MEGF10: variants seen among roughly 807,000 people sequenced by gnomAD.
MEGF10 encodes multiple epidermal growth factor-like domains protein 10.
MEGF10 carries 86 observed loss-of-function variants against 147.5 expected under a neutral mutation model. The observed-to-expected ratio is 0.58, with a 90% CI of 0.49 to 0.70. MEGF10 has a LOEUF of 0.70. Among genes scored for constraint, MEGF10 ranks in the 30% least tolerant of loss-of-function variants. MEGF10 has a pLI of 0.00. For synonymous variants in MEGF10, 478 were observed against 525.5 expected (o/e 0.91, Z 1.24); for missense variants, 1,329 against 1,487.3 (o/e 0.89, Z 1.75).
At chr5:127,244,623 A>AC in the MEGF10 span, among the ~76,000 whole-genome samples, 3 of 151,980 alleles carry the variant, frequency 2.0e-5, no homozygotes, top group Admixed American at 1.3e-4. Flanking sequence ...AAAAAATGTC[A>AC]CCCCCCACCC....
At chr5:127,319,563 A>C (rs907106567) in intron 1 of MEGF10, among the ~76,000 whole-genome samples, 1 of 152,220 alleles carries the variant, frequency 6.6e-6, no homozygotes, top group South Asian at 2.1e-4. Flanking sequence ...AGGAGATGTC[A>C]GTTTACCTTC....
chr5:127,344,230 A>T (rs1761788287), intron 4 of MEGF10, among the ~76,000 whole-genome samples: 1 of 152,178 alleles, frequency 6.6e-6, no homozygotes, highest in Admixed American at 6.5e-5. Flanking sequence ...TCTGCCATCA[A>T]AGAGTTTTGC....
In MEGF10 at chr5:127,461,216, T is replaced by TA. The variant is rs1297929894; in HGVS notation, c.*3904dup. 1 of 152,190 alleles carries TA rather than the reference T, an allele frequency of 6.6e-6. No individual in the cohort carries two copies. 9.4% of individuals were successfully genotyped at this position (152,190 alleles called of 1,614,324 possible). A position where few individuals can be genotyped will look rare whatever the true frequency, so the allele number is the denominator to read the frequency against. ...TAGATTAATGCAATAAACTTTCTAA[T>TA]AAAAAACTCTAGTGTTTCTTTCTAT... On this transcript the variant is annotated 3_prime_UTR_variant, in exon 25 of 25. Transcript: ENST00000503335.
chr5:127,380,674 C>T (rs549337563), intron 5 of MEGF10, among the ~76,000 whole-genome samples: 1 of 152,068 alleles, frequency 6.6e-6, no homozygotes, highest in East Asian at 1.9e-4. Flanking sequence ...CCTGTCACCA[C>T]GTCCAGCTAA....
At chr5:127,379,485 T>C (rs1763169743) in intron 5 of MEGF10, among the ~76,000 whole-genome samples, 1 of 152,174 alleles carries the variant, frequency 6.6e-6, no homozygotes, top group Non-Finnish European at 1.5e-5. Context: ...CACTGCTCAG[T>C]CTCTGCCCTT....
At chr5:127,425,988 C>T (rs546079570) in intron 13 of MEGF10, among the ~76,000 whole-genome samples, 1 of 152,294 alleles carries the variant, frequency 6.6e-6, no homozygotes, top group Middle Eastern at 3.4e-3. Context: ...AGGGCTCTTC[C>T]CCTGATCAAA....
intron 4 of MEGF10, among the ~76,000 whole-genome samples, chr5:127,345,193 G>GA (rs1344257927): frequency 2.6e-5 from 4 of 152,180 alleles, no homozygotes; most frequent in Admixed American, 1.3e-4. Flanking sequence ...GATTCTTGGA[G>GA]AAAAAACTCT....
chr5:127,309,986 T>TTTCTTTCC, intron 1 of MEGF10, among the ~76,000 whole-genome samples: 1 of 72,880 alleles, frequency 1.4e-5, no homozygotes, highest in Admixed American at 1.3e-4. Flanking sequence ...TCTTTCTTTC[T>TTTCTTTCC]TTCTTTCTTT....
At chr5:127,303,335 CAAAAA>C (rs1174955274) in intron 1 of MEGF10, among the ~76,000 whole-genome samples, 1 of 50,628 alleles carries the variant, frequency 2.0e-5, no homozygotes, top group Non-Finnish European at 4.7e-5. Flanking sequence ...GACTCCATGT[CAAAAA>C]AAAAAAAAAA....
At chr5:127,331,092 T>G (rs906328740) in intron 1 of MEGF10, among the ~76,000 whole-genome samples, 199 bp from the exon 2 acceptor site, 1 of 152,170 alleles carries the variant, frequency 6.6e-6, no homozygotes, top group African/African-American at 2.4e-5. Context: ...ATTTACAAAA[T>G]AGTAGCCACC....
chr5:127,381,228 G>A (rs1017243305), intron 5 of MEGF10, among the ~76,000 whole-genome samples: 2 of 152,124 alleles, frequency 1.3e-5, no homozygotes, highest in African/African-American at 4.8e-5. Flanking sequence ...TAAGAAATTA[G>A]GCAAAGAAAT....
chr5:127,262,877 A>T, the MEGF10 span, among the ~76,000 whole-genome samples: 3 of 152,106 alleles, frequency 2.0e-5, no homozygotes, highest in Non-Finnish European at 4.4e-5. Context: ...GATGAGGAAA[A>T]TTTTGTTATT....
At chr5:127,360,848 G>GTA (rs1473037302) in intron 4 of MEGF10, among the ~76,000 whole-genome samples, 1 of 150,658 alleles carries the variant, frequency 6.6e-6, no homozygotes, top group Non-Finnish European at 1.5e-5. Flanking sequence ...ATATATGTGT[G>GTA]TATATATATG....
chr5:127,274,449 A>C, the MEGF10 span, among the ~76,000 whole-genome samples: 2 of 152,162 alleles, frequency 1.3e-5, no homozygotes, highest in East Asian at 1.9e-4. Flanking sequence ...ATCTATGCTG[A>C]AGCATTTAGA....
At chr5:127,325,870 CAT>C (rs1474883783) in intron 1 of MEGF10, among the ~76,000 whole-genome samples, 13 of 116,512 alleles carry the variant, frequency 1.1e-4, no homozygotes, top group Non-Finnish European at 1.1e-4. Flanking sequence ...TATATATATA[CAT>C]ATATGTGTGT....
intron 4 of MEGF10, among the ~76,000 whole-genome samples, chr5:127,364,099 G>C (rs1056493017): frequency 1.3e-5 from 2 of 152,156 alleles, no homozygotes; most frequent in African/African-American, 4.8e-5. Context: ...AGTCCCCACA[G>C]TATTGTTATA....
chr5:127,263,659 T>C, the MEGF10 span, among the ~76,000 whole-genome samples: 78 of 152,176 alleles, frequency 5.1e-4, 1 homozygote, highest in Admixed American at 1.8e-3. Flanking sequence ...ATTAATCTGA[T>C]CATCTTTATT....
the MEGF10 span, among the ~76,000 whole-genome samples, chr5:127,248,538 G>A: frequency 6.6e-6 from 1 of 151,926 alleles, no homozygotes; most frequent in Admixed American, 6.6e-5. Flanking sequence ...GAAAAGCAGG[G>A]TATAAAAAAT....
intron 10 of MEGF10, among the ~76,000 whole-genome samples, chr5:127,418,598 CT>C (rs1764866106): frequency 6.6e-6 from 1 of 152,158 alleles, no homozygotes; most frequent in African/African-American, 2.4e-5. Flanking sequence ...CTCCAGTTGC[CT>C]TTGGTAGCTT....
Sources: allele counts gnomAD v4.1 joint callset (sites outside exome capture counted in the v4.1 genomes callset), GRCh38; gene constraint gnomAD v4.1.1; transcripts MANE v1.5; gene names NCBI Gene and HGNC (gene_info 2026-07-23, HGNC 2026-07-21).